The following ADAMTS2 variants were observed in gnomAD, a reference collection of about 807,000 sequenced individuals.
ADAMTS2 encodes the protein ADAM metallopeptidase with thrombospondin type 1 motif 2.
In ADAMTS2, 50 loss-of-function variants were observed where a neutral mutation model predicts 123.0. The ratio of observed to expected loss-of-function variants is 0.41; its 90% confidence interval spans 0.32 to 0.51. ADAMTS2 has a LOEUF of 0.51. ADAMTS2 is among the 20% of genes least tolerant of loss of function. The probability of loss-of-function intolerance (pLI) is 0.35; values close to 1 mark genes in which losing one functional copy is unlikely to be tolerated. For missense variants in ADAMTS2, 1,494 were observed against 1,705.2 expected, an observed-to-expected ratio of 0.88 and a Z score of 2.18; for synonymous variants, 678 against 695.4, an observed-to-expected ratio of 0.98 and a Z score of 0.39.
At chr5:179,138,433 G>A (rs1396629319) in intron 11 of ADAMTS2, among the ~76,000 whole-genome samples, 1 of 152,236 alleles carries the variant, frequency 6.6e-6, no homozygotes, top group Non-Finnish European at 1.5e-5. Flanking sequence ...GCAGTTCTCA[G>A]CAAGTGTCTT....
In ADAMTS2 at chr5:179,132,380, G is replaced by A; in HGVS notation, c.2210-70C>T. ...GCCGCTCAAATTCGCACCATGCAAGGAGGGGCCTCGCTCTTGAAGGCAGCT... is the reference window on the plus strand; with the variant it reads ...GCCGCTCAAATTCGCACCATGCAAGAAGGGGCCTCGCTCTTGAAGGCAGCT... On this transcript the variant is annotated intron_variant, in intron 14 of 21. Transcript: ENST00000251582. The surrounding 1 kb of genome is among the most constrained non-coding windows in gnomAD (Gnocchi z 6.1). 2.7e-6 allele frequency: 4 copies of A among 1,457,054 alleles called. No individual in the cohort carries two copies. The highest frequency in any genetic ancestry group is 2.3e-5 in the South Asian group (2 of 86,166). The allele number at this position is 1,457,054 out of a possible 1,614,324, so 90.3% of individuals were successfully genotyped here.
At chr5:179,335,696 C>T (rs1459153859) in intron 2 of ADAMTS2, among the ~76,000 whole-genome samples, 2 of 152,214 alleles carry the variant, frequency 1.3e-5, no homozygotes, top group Non-Finnish European at 2.9e-5. Context: ...CCCTTTTCAT[C>T]ATATGTCCAG....
At chr5:179,156,923 A>T (rs762335699) in intron 6 of ADAMTS2, among the ~76,000 whole-genome samples, 67 of 150,178 alleles carry the variant, frequency 4.5e-4, no homozygotes, top group Non-Finnish European at 6.2e-4. Context: ...TGGTTTTTTT[A>T]AAATATCTGG....
intron 3 of ADAMTS2, among the ~76,000 whole-genome samples, chr5:179,244,553 C>A (rs1299889576): frequency 1.3e-5 from 2 of 152,202 alleles, no homozygotes; most frequent in African/African-American, 4.8e-5. Context: ...AACTTGAATT[C>A]ACACCCACAC....
intron 2 of ADAMTS2, among the ~76,000 whole-genome samples, chr5:179,277,795 GCGAGACCAAAGGC>G (rs1766763423): frequency 1.1e-4 from 1 of 9,300 alleles, no homozygotes; most frequent in Non-Finnish European, 2.5e-4. Flanking sequence ...TGACCCCCCC[GCGAGACCAAAGGC>G]TGACCCCCCC....
At chr5:179,178,481 C>T (rs921040252) in intron 5 of ADAMTS2, among the ~76,000 whole-genome samples, 7 of 152,208 alleles carry the variant, frequency 4.6e-5, no homozygotes, top group Admixed American at 2.6e-4. Context: ...CCGAAGTGGC[C>T]GGCTGCAGAG....
At chr5:179,208,171 A>C (rs1581191036) in intron 3 of ADAMTS2, among the ~76,000 whole-genome samples, 3 of 151,578 alleles carry the variant, frequency 2.0e-5, no homozygotes, top group Non-Finnish European at 4.4e-5. Flanking sequence ...CCGATGCTGG[A>C]GTGGGTAGAG....
At chr5:179,160,002 G>A (rs967765718) in intron 5 of ADAMTS2, among the ~76,000 whole-genome samples, 2 of 152,154 alleles carry the variant, frequency 1.3e-5, no homozygotes, top group African/African-American at 2.4e-5. Flanking sequence ...CAAGAGAACC[G>A]AGAGCCCCTC....
chr5:179,324,224 G>A (rs1444217489), intron 2 of ADAMTS2, among the ~76,000 whole-genome samples: 1 of 152,144 alleles, frequency 6.6e-6, no homozygotes, highest in Non-Finnish European at 1.5e-5. Flanking sequence ...GGTGATGGTT[G>A]CACCATTCTG....
At chr5:179,337,500 G>A (rs1342515063) in intron 2 of ADAMTS2, among the ~76,000 whole-genome samples, 1 of 152,272 alleles carries the variant, frequency 6.6e-6, no homozygotes, top group East Asian at 1.9e-4. Context: ...ACACACTCCC[G>A]CCATGCACAG....
rs772592927 is a variant in ADAMTS2, at chr5:179,132,278, C to T, written c.2242G>A (p.Ala748Thr). Residue 748 changes from alanine (A) to threonine (T), a missense_variant, in exon 15 of 22, where the codon GCC becomes ACC. Coordinates refer to ENST00000251582, the MANE Select transcript of ADAMTS2 (RefSeq NM_014244.5). The surrounding 1 kb of genome is among the most constrained non-coding windows in gnomAD (Gnocchi z 6.1). ...ACCTCCTGAATGAGCAGGTGTCTGG[C>T]TCCTGCAGGGATCTCAAACATCTTG... ...YIKMFEIPAG[A>T]RHLLIQEVDA... 14 of 1,614,104 alleles carry T rather than the reference C, an allele frequency of 8.7e-6. No homozygotes were observed. Among genetic ancestry groups the T allele is most frequent in the African/African-American group, 2.7e-5 (2 of 74,944 alleles).
intron 3 of ADAMTS2, among the ~76,000 whole-genome samples, chr5:179,238,611 C>T (rs931258657): frequency 2.0e-5 from 3 of 152,084 alleles, no homozygotes; most frequent in African/African-American, 7.2e-5. Context: ...CTAGAAAGGG[C>T]ATCCAGGCGG....
intron 3 of ADAMTS2, among the ~76,000 whole-genome samples, chr5:179,233,850 C>T (rs1056593547): frequency 9.2e-5 from 14 of 152,160 alleles, no homozygotes; most frequent in Admixed American, 7.2e-4. Flanking sequence ...CCATTCTCCC[C>T]TTTCTCAGAG....
At chr5:179,168,695 C>G (rs1021112524) in intron 5 of ADAMTS2, among the ~76,000 whole-genome samples, 3 of 152,156 alleles carry the variant, frequency 2.0e-5, no homozygotes, top group African/African-American at 7.2e-5. Flanking sequence ...AAAGGTCCCA[C>G]GAGTATGGAC....
rs1467715462 is a variant in ADAMTS2 at position 179,115,501 on chromosome 5, CCA to C, written c.3179-1179_3179-1178del. Among the ~76,000 whole-genome samples the C allele has an allele frequency of 6.6e-6, 1 of 152,160 alleles. No homozygotes were observed. The highest frequency in any genetic ancestry group is 1.9e-4 in the East Asian group (1 of 5,190). ...TCTCTGCTCAGCTGCTCTCTACTCT[CCA>C]CAGTGATGACTTCAGACCTTTCCCA... On this transcript the variant is annotated intron_variant, in intron 21 of 21. Transcript: ENST00000251582. This position sits in a 1 kb window ranked among gnomAD's most constrained non-coding sequence, Gnocchi z 4.4.
At chr5:179,301,567 T>C (rs1756518437) in intron 2 of ADAMTS2, among the ~76,000 whole-genome samples, 2 of 152,194 alleles carry the variant, frequency 1.3e-5, no homozygotes, top group Admixed American at 6.5e-5. Context: ...GGGGCATCTC[T>C]TGAGGGCTGC....
chr5:179,265,946 C>T (rs755960345), intron 3 of ADAMTS2, among the ~76,000 whole-genome samples: 3 of 152,230 alleles, frequency 2.0e-5, no homozygotes, highest in Non-Finnish European at 4.4e-5. Context: ...AGGGATCCAG[C>T]GCCGAGGCGC....
intron 3 of ADAMTS2, among the ~76,000 whole-genome samples, chr5:179,271,149 G>C (rs1465043617): frequency 6.6e-6 from 1 of 152,194 alleles, no homozygotes; most frequent in African/African-American, 2.4e-5. Context: ...TATGTGGATT[G>C]GGGGTGGGGG....
At chr5:179,124,832 C>T (rs1474544336) in intron 19 of ADAMTS2, 141 bp downstream of exon 19, 4 of 1,600,258 alleles carry the variant, frequency 2.5e-6, no homozygotes, top group Non-Finnish European at 3.4e-6. Flanking sequence ...GGCTCTCAGG[C>T]CGGGCGTCAT....
Sources: allele counts gnomAD v4.1 joint callset (sites outside exome capture counted in the v4.1 genomes callset), GRCh38; gene constraint gnomAD v4.1.1; non-coding constraint Gnocchi (gnomAD v3.1); transcripts MANE v1.5; gene names NCBI Gene and HGNC (gene_info 2026-07-23, HGNC 2026-07-21).